Variants in SNX25 observed in about 807,000 individuals in gnomAD.
The protein encoded by SNX25 is sorting nexin 25, also known as sorting nexin-25.
Under a neutral mutation model 113.7 loss-of-function variants are expected in SNX25, and 62 were observed. The ratio of observed to expected loss-of-function variants is 0.55; its 90% CI spans 0.44 to 0.67. The LOEUF (loss-of-function observed/expected upper bound fraction) is 0.67, where lower values mean the gene tolerates loss of function less well. SNX25 is among the 30% of genes least tolerant of loss of function. SNX25 has a pLI of 0.00. For synonymous variants in SNX25, 421 were observed against 436.2 expected (o/e 0.97, Z 0.43); for missense variants, 1,014 against 1,161.0 (o/e 0.87, Z 1.84).
intron 5 of SNX25, among the ~76,000 whole-genome samples, chr4:185,274,940 A>T (rs1749447611): frequency 6.6e-6 from 1 of 152,188 alleles, no homozygotes; most frequent in African/African-American, 2.4e-5. Context: ...GTGACTTGCT[A>T]GCCAGGTGGG....
At chr4:185,259,110 T>G in intron 3 of SNX25, 46 bp downstream of exon 3, 1 of 1,540,094 alleles carries the variant, frequency 6.5e-7, no homozygotes, top group Non-Finnish European at 8.9e-7. Context: ...TTAATTTTTT[T>G]TAATTGAGTA....
At chr4:185,353,455 C>A in intron 14 of SNX25, 30 bp from the exon 15 acceptor site, 1 of 1,551,330 alleles carries the variant, frequency 6.4e-7, no homozygotes, top group Admixed American at 1.7e-5. Context: ...GATAAGTTAT[C>A]TGCTTCCTAT....
chr4:185,209,459 G>T (rs1737374334), upstream of SNX25: 1 of 152,300 alleles, frequency 6.6e-6, no homozygotes, highest in South Asian at 2.1e-4. This position sits in a 1 kb window ranked among gnomAD's most constrained non-coding sequence, Gnocchi z 5.2. Context: ...CTCCCCGTGG[G>T]GCCCCGGCCC....
chr4:185,254,562 T>C (rs1746125741), intron 2 of SNX25, among the ~76,000 whole-genome samples: 1 of 152,208 alleles, frequency 6.6e-6, no homozygotes, highest in Non-Finnish European at 1.5e-5. Flanking sequence ...TCATTCCTTG[T>C]TCTGAAAATT....
intron 11 of SNX25, among the ~76,000 whole-genome samples, chr4:185,339,723 C>G (rs2095250459): frequency 1.3e-5 from 2 of 152,284 alleles, no homozygotes; most frequent in South Asian, 4.2e-4. Flanking sequence ...GATCTCACTC[C>G]ACTTCAAACA....
intron 15 of SNX25, among the ~76,000 whole-genome samples, chr4:185,356,927 T>C (rs936580529): frequency 2.6e-5 from 4 of 152,216 alleles, no homozygotes; most frequent in Non-Finnish European, 5.9e-5. Flanking sequence ...TCTATACCTA[T>C]AAAAATGTGT....
At chr4:185,233,198 C>T (rs1392273266) in intron 1 of SNX25, among the ~76,000 whole-genome samples, 1 of 151,988 alleles carries the variant, frequency 6.6e-6, no homozygotes, top group East Asian at 1.9e-4. Flanking sequence ...GCAGGAGAAT[C>T]ACTTGAAACC....
At chr4:185,299,495 GC>G (rs1753328868) in intron 6 of SNX25, among the ~76,000 whole-genome samples, 1 of 151,128 alleles carries the variant, frequency 6.6e-6, no homozygotes, top group Admixed American at 6.6e-5. Context: ...TCTCGAGTGC[GC>G]CCCAGAGTTT....
At chr4:185,238,749 T>C (rs1743033807) in intron 1 of SNX25, among the ~76,000 whole-genome samples, 1 of 152,246 alleles carries the variant, frequency 6.6e-6, no homozygotes, top group South Asian at 2.1e-4. Flanking sequence ...TCTGTACAAC[T>C]GTTTTCCTTT....
At chr4:185,351,213 G>A (rs767402784) in intron 13 of SNX25, among the ~76,000 whole-genome samples, 8 of 152,218 alleles carry the variant, frequency 5.3e-5, no homozygotes, top group Non-Finnish European at 1.0e-4. Flanking sequence ...TATCTCCCAT[G>A]AGCAGAGTGA....
chr4:185,328,675 T>C (rs188135236), intron 9 of SNX25, among the ~76,000 whole-genome samples: 147 of 152,274 alleles, frequency 9.7e-4, no homozygotes, highest in African/African-American at 3.3e-3. Context: ...TTCCCTGTGA[T>C]AATGAGAGGG....
At chr4:185,293,957 C>T (rs1206807933) in intron 6 of SNX25, among the ~76,000 whole-genome samples, 1 of 151,900 alleles carries the variant, frequency 6.6e-6, no homozygotes, top group Non-Finnish European at 1.5e-5. Flanking sequence ...GGCCGATGCA[C>T]CAAGTAGGAA....
At chr4:185,318,194 C>T (rs1412850088) in intron 7 of SNX25, among the ~76,000 whole-genome samples, 3 of 151,964 alleles carry the variant, frequency 2.0e-5, no homozygotes, top group East Asian at 1.9e-4. Context: ...GAAAATTTGC[C>T]AACTCATAAT....
rs1737434403 is a variant in SNX25 at position 185,209,695 on chromosome 4, C to T, written c.-132C>T. On this transcript the variant is annotated 5_prime_UTR_variant, in exon 1 of 19. Transcript: ENST00000652585. The surrounding 1 kb of genome is among the most constrained non-coding windows in gnomAD (Gnocchi z 5.2). ...TGAGGGGTCGCCGAGAGGGGCCCGG[C>T]GGCGTCTGCGGGGGCCGCTCCCTCG... The T allele has an allele frequency of 1.0e-6, 1 of 971,024 alleles. No individual in the cohort carries two copies. The highest frequency in any genetic ancestry group is 1.2e-6 in the Non-Finnish European group (1 of 817,426). 60.2% of individuals were successfully genotyped at this position (971,024 alleles called of 1,614,324 possible).
the SNX25 span, chr4:185,377,112 G>T: frequency 1.1e-6 from 1 of 905,752 alleles, no homozygotes; most frequent in Non-Finnish European, 1.8e-6. Context: ...TAACACTGTT[G>T]ACATTCTTGC....
At position 185,320,751 on chromosome 4, in the gene SNX25, A is replaced by G; in HGVS notation, c.1363A>G (p.Ile455Val). 1.3e-6 allele frequency: 2 copies of G among 1,557,002 alleles called. No homozygotes were observed. The highest frequency in any genetic ancestry group is 1.7e-6 in the Non-Finnish European group (2 of 1,155,564). Residue 455 changes from isoleucine to valine, a missense_variant, in exon 8 of 19, where the codon ATC becomes GTC. Coordinates refer to ENST00000652585, the MANE Select transcript of SNX25 (RefSeq NM_001378034.2). Reference sequence around the variant, plus strand: ...TTAATAGATTCTTCAGTTTGAAGATATCTTGGCCAATACGTTCTACCGAGA... The same window carrying G: ...TTAATAGATTCTTCAGTTTGAAGATGTCTTGGCCAATACGTTCTACCGAGA... ...QSQKILQFEDILANTFYREHF... is the reference protein window; with the variant it reads ...QSQKILQFEDVLANTFYREHF...
At chr4:185,206,198 C>T (rs1339877307), upstream of SNX25, among the ~76,000 whole-genome samples, 2 of 152,170 alleles carry the variant, frequency 1.3e-5, no homozygotes, top group East Asian at 1.9e-4. Context: ...CAAACAGATA[C>T]TTATGCACCC....
intron 1 of SNX25, among the ~76,000 whole-genome samples, chr4:185,233,258 C>G (rs1222971067): frequency 1.3e-5 from 2 of 151,328 alleles, no homozygotes; most frequent in Non-Finnish European, 2.9e-5. Flanking sequence ...GCACTCCAGC[C>G]TGGGTGACAG....
intron 8 of SNX25, among the ~76,000 whole-genome samples, chr4:185,322,824 T>C (rs983589753): frequency 2.0e-5 from 3 of 152,276 alleles, no homozygotes; most frequent in Admixed American, 1.3e-4. Flanking sequence ...GCAACATTGA[T>C]TTGGATGTTA....
Sources: allele counts gnomAD v4.1 joint callset (sites outside exome capture counted in the v4.1 genomes callset), GRCh38; gene constraint gnomAD v4.1.1; non-coding constraint Gnocchi (gnomAD v3.1); transcripts MANE v1.5; gene names NCBI Gene and HGNC (gene_info 2026-07-23, HGNC 2026-07-21).